BRDT: variants seen among roughly 807,000 people sequenced by gnomAD.
BRDT encodes the protein bromodomain testis associated.
BRDT carries 77 observed loss-of-function variants against 113.9 expected under a neutral mutation model. That is an observed-to-expected ratio of 0.68 (90% CI 0.56 to 0.82). The LOEUF (loss-of-function observed/expected upper bound fraction) is 0.82, where lower values mean the gene tolerates loss of function less well. Among genes scored for constraint, BRDT ranks in the 40% least tolerant of loss-of-function variants. The pLI, the probability that BRDT is intolerant of heterozygous loss-of-function variation, is 0.00. For synonymous variants in BRDT, 358 were observed against 366.5 expected, an observed-to-expected ratio of 0.98 and a Z score of 0.26; for missense variants, 1,027 against 1,105.4, an observed-to-expected ratio of 0.93 and a Z score of 1.01.
intron 18 of BRDT, among the ~76,000 whole-genome samples, chr1:92,008,712 A>G (rs935507052): frequency 2.0e-5 from 3 of 152,150 alleles, no homozygotes; most frequent in Non-Finnish European, 4.4e-5. Flanking sequence ...TACTGTCTCC[A>G]CAGGTTTATC....
intron 18 of BRDT, among the ~76,000 whole-genome samples, chr1:92,005,637 G>A (rs1257909770): frequency 1.3e-5 from 2 of 152,084 alleles, no homozygotes; most frequent in African/African-American, 4.8e-5. Flanking sequence ...GAGCAACATG[G>A]TGCTCTCAAA....
chr1:91,976,959 C>T, intron 5 of BRDT, 84 bp from the exon 6 acceptor site: 1 of 1,071,468 alleles, frequency 9.3e-7, no homozygotes, highest in Non-Finnish European at 1.3e-6. Context: ...AATAATCTTT[C>T]CCTTTTTTTC....
chr1:91,976,675 A>G (rs1684169084), intron 5 of BRDT, among the ~76,000 whole-genome samples: 1 of 152,186 alleles, frequency 6.6e-6, no homozygotes, highest in Non-Finnish European at 1.5e-5. Flanking sequence ...GTATCTTGAT[A>G]GTATTAATAT....
rs1473125356 is a variant in BRDT, at chr1:91,979,657, C to G, written c.1187C>G (p.Thr396Ser). The G allele has an allele frequency of 1.2e-6, 2 of 1,614,044 alleles. No individual in the cohort carries two copies. The highest frequency in any genetic ancestry group is 3.3e-5 in the Admixed American group (2 of 59,992). ...LCYIKTDITE[T>S]TGRENTNEAS... The stretch of plus-strand genomic sequence containing the variant: ...TACATCAAAACAGATATCACAGAAA[C>G]CACTGGTAGAGAGAACACTAATGAA... The change falls in exon 8 of 19, where the codon ACC becomes AGC. Residue 396 changes from threonine to serine, a missense_variant. Coordinates refer to ENST00000399546, the MANE Select transcript of BRDT (RefSeq NM_207189.4).
intron 15 of BRDT, among the ~76,000 whole-genome samples, chr1:91,995,828 G>C (rs1009290214): frequency 4.6e-5 from 7 of 152,016 alleles, no homozygotes; most frequent in East Asian, 1.9e-4. Context: ...AGTAGAGACA[G>C]GGTTTCACCA....
chr1:92,001,894 T>TC (rs1686886349), intron 15 of BRDT, among the ~76,000 whole-genome samples, 155 bp from the exon 16 acceptor site: 1 of 152,212 alleles, frequency 6.6e-6, no homozygotes, highest in African/African-American at 2.4e-5. Flanking sequence ...GTATAACAAG[T>TC]CCCTAACTAA....
intron 3 of BRDT, among the ~76,000 whole-genome samples, chr1:91,967,270 C>T (rs968115663): frequency 1.3e-5 from 2 of 151,046 alleles, no homozygotes; most frequent in Non-Finnish European, 2.9e-5. Flanking sequence ...AGTTTTCGCT[C>T]TTGTTGCCCA....
At chr1:91,969,681 C>G (rs1384922518) in intron 4 of BRDT, among the ~76,000 whole-genome samples, 2 of 151,924 alleles carry the variant, frequency 1.3e-5, no homozygotes, top group Non-Finnish European at 2.9e-5. Context: ...TTTAATGTTG[C>G]TAGAAGGTAA....
At chr1:91,999,620 C>A (rs1686659592) in intron 15 of BRDT, among the ~76,000 whole-genome samples, 1 of 152,166 alleles carries the variant, frequency 6.6e-6, no homozygotes, top group South Asian at 2.1e-4. Context: ...TAGCAATGAG[C>A]TGGGAGCAGC....
chr1:91,977,016 T>G (rs985111493), intron 5 of BRDT, 27 bp from the exon 6 acceptor site: 1 of 1,500,904 alleles, frequency 6.7e-7, no homozygotes, highest in Non-Finnish European at 9.0e-7. Flanking sequence ...TCAAATATAT[T>G]TTTGTTGTTG....
intron 2 of BRDT, among the ~76,000 whole-genome samples, chr1:91,963,769 C>T (rs1243802366): frequency 5.7e-5 from 8 of 140,166 alleles, no homozygotes; most frequent in African/African-American, 8.1e-5. Context: ...AAATTCTTAC[C>T]TTTGTTCATC....
At chr1:92,005,070 C>T in intron 17 of BRDT, 49 bp from the exon 18 acceptor site, 1 of 1,323,868 alleles carries the variant, frequency 7.6e-7, no homozygotes. Flanking sequence ...TTTTGTAATA[C>T]TTTTAAGGAA....
chr1:91,986,235 A>C (rs1276049412), intron 12 of BRDT, among the ~76,000 whole-genome samples: 11 of 152,232 alleles, frequency 7.2e-5, no homozygotes, highest in Admixed American at 6.5e-5. Context: ...AGAGTTTTCT[A>C]ATGCTCAACA....
chr1:91,960,730 CAGG>C (rs1035133814), intron 1 of BRDT, among the ~76,000 whole-genome samples: 2 of 152,174 alleles, frequency 1.3e-5, no homozygotes, highest in African/African-American at 4.8e-5. Flanking sequence ...TAATATGCAA[CAGG>C]AGGTGAGAAC....
At chr1:91,977,618 C>G (rs897466993) in intron 6 of BRDT, 5 of 297,044 alleles carry the variant, frequency 1.7e-5, no homozygotes, top group Admixed American at 4.9e-5. Context: ...TGCCTGTAAT[C>G]TTAGCACTTT....
chr1:91,950,341 T>C (rs535706043), intron 1 of BRDT: 4 of 152,674 alleles, frequency 2.6e-5, no homozygotes, highest in African/African-American at 9.6e-5. Context: ...TCCCAGCTAC[T>C]CGGGAGGCTG....
At chr1:91,991,991 C>CAAAAAAAAAAAAAAAAAAA (rs764759925) in intron 13 of BRDT, among the ~76,000 whole-genome samples, 5 of 67,746 alleles carry the variant, frequency 7.4e-5, no homozygotes, top group African/African-American at 1.2e-4. Flanking sequence ...GACTCTGTCT[C>CAAAAAAAAAAAAAAAAAAA]AAAAAAAAAA....
chr1:91,980,614 A>G, intron 8 of BRDT, 29 bp from the exon 9 acceptor site: 1 of 1,419,696 alleles, frequency 7.0e-7, no homozygotes, highest in African/African-American at 1.5e-5. Flanking sequence ...AGAGACATGA[A>G]TGTTTACAGA....
chr1:92,012,261 C>T (rs1418830175), intron 18 of BRDT, among the ~76,000 whole-genome samples: 4 of 150,560 alleles, frequency 2.7e-5, no homozygotes, highest in Non-Finnish European at 4.4e-5. Flanking sequence ...CACGCCACTG[C>T]ACTCCAGCCT....
Sources: allele counts gnomAD v4.1 joint callset (sites outside exome capture counted in the v4.1 genomes callset), GRCh38; gene constraint gnomAD v4.1.1; transcripts MANE v1.5; gene names NCBI Gene and HGNC (gene_info 2026-07-23, HGNC 2026-07-21).